The following PDE1C variants were observed in gnomAD, a reference collection of about 807,000 sequenced individuals.
PDE1C encodes phosphodiesterase 1C, also known as dual specificity calcium/calmodulin-dependent 3',5'-cyclic nucleotide phosphodiesterase 1C.
A neutral mutation model predicts 93.1 loss-of-function variants in PDE1C; 62 were observed. The observed-to-expected ratio is 0.67, with a 90% CI of 0.54 to 0.82. PDE1C has a LOEUF of 0.82. PDE1C is among the 40% of genes least tolerant of loss of function. The probability of loss-of-function intolerance (pLI) is 0.00; values close to 1 mark genes in which losing one functional copy is unlikely to be tolerated. For synonymous variants in PDE1C, 325 were observed against 310.1 expected, an observed-to-expected ratio of 1.05 and a Z score of -0.50; for missense variants, 742 against 884.6, an observed-to-expected ratio of 0.84 and a Z score of 2.04.
chr7:31,895,580 TTCTCTCTCTC>T (rs60958547), intron 2 of PDE1C, among the ~76,000 whole-genome samples: 20,358 of 144,876 alleles, frequency 0.14, 1,684 homozygotes, highest in Admixed American at 0.23. Flanking sequence ...TTTCTCTCTT[TTCTCTCTCTC>T]TCTCTCTCTC....
At chr7:31,698,976 A>T in the PDE1C span, among the ~76,000 whole-genome samples, 2 of 152,308 alleles carry the variant, frequency 1.3e-5, no homozygotes, top group East Asian at 3.9e-4. Flanking sequence ...AGTGCCTACT[A>T]TGTGCCAGGC....
At chr7:31,884,339 G>T (rs532107284) in intron 2 of PDE1C, among the ~76,000 whole-genome samples, 1 of 152,150 alleles carries the variant, frequency 6.6e-6, no homozygotes, top group Non-Finnish European at 1.5e-5. Flanking sequence ...AGCATCTGCT[G>T]TGTGTTCAAT....
At chr7:31,927,451 G>A (rs1405213495) in intron 2 of PDE1C, among the ~76,000 whole-genome samples, 1 of 152,142 alleles carries the variant, frequency 6.6e-6, no homozygotes, top group African/African-American at 2.4e-5. Flanking sequence ...CTCTGCTAAG[G>A]GACAGACTGC....
intron 1 of PDE1C, among the ~76,000 whole-genome samples, chr7:32,354,843 C>T (rs1045778362): frequency 2.6e-5 from 4 of 152,230 alleles, no homozygotes; most frequent in Non-Finnish European, 5.9e-5. Context: ...GAAACACTTG[C>T]TATCCCTGGG....
At chr7:32,343,526 C>T (rs1379884689) in intron 1 of PDE1C, among the ~76,000 whole-genome samples, 1 of 152,148 alleles carries the variant, frequency 6.6e-6, no homozygotes, top group African/African-American at 2.4e-5. Context: ...ACCTCTGTTC[C>T]CAGGGCACAT....
chr7:31,790,262 GA>G (rs758574486), intron 16 of PDE1C: 2 of 1,610,718 alleles, frequency 1.2e-6, no homozygotes, highest in South Asian at 1.1e-5. Context: ...TTGTGAATCT[GA>G]AAAAAAGAAA....
At chr7:31,749,733 T>TC, downstream of PDE1C, among the ~76,000 whole-genome samples, 1 of 84,838 alleles carries the variant, frequency 1.2e-5, no homozygotes, top group African/African-American at 3.0e-5. Context: ...CGCTGTTGTC[T>TC]AATTTTTTTT....
At chr7:31,989,498 T>C (rs1335689875) in intron 2 of PDE1C, among the ~76,000 whole-genome samples, 1 of 152,186 alleles carries the variant, frequency 6.6e-6, no homozygotes, top group African/African-American at 2.4e-5. Context: ...CCTGAAACTT[T>C]TATCTAATTT....
chr7:31,631,456 T>C, the PDE1C span, among the ~76,000 whole-genome samples: 25 of 152,240 alleles, frequency 1.6e-4, no homozygotes, highest in Non-Finnish European at 2.9e-5. Context: ...GTCATTTTCT[T>C]ACGTGGTTAG....
chr7:32,316,331 C>T (rs80275811), intron 1 of PDE1C, among the ~76,000 whole-genome samples: 4 of 152,288 alleles, frequency 2.6e-5, no homozygotes, highest in South Asian at 2.1e-4. Context: ...TGTTTACCAA[C>T]GATAGAATAA....
chr7:32,112,221 C>T (rs1798680543), intron 3 of PDE1C, among the ~76,000 whole-genome samples: 1 of 152,100 alleles, frequency 6.6e-6, no homozygotes, highest in African/African-American at 2.4e-5. Context: ...TTTGTCACCT[C>T]CAAAATGATG....
intron 3 of PDE1C, among the ~76,000 whole-genome samples, chr7:32,157,258 C>A (rs1281806636): frequency 6.6e-6 from 1 of 152,112 alleles, no homozygotes; most frequent in Non-Finnish European, 1.5e-5. Context: ...GGAATAAGTT[C>A]TAGTATTCGA....
rs10561469 is a variant in PDE1C at position 32,186,087 on chromosome 7, G to GTTTTT, written c.137-16136_137-16132dup. 7.0e-5 allele frequency among the ~76,000 whole-genome samples: 9 copies of GTTTTT among 128,570 alleles called. 1 individual carries two copies. The highest frequency in any genetic ancestry group is 1.3e-4 in the Non-Finnish European group (8 of 60,486). 84.3% of individuals were successfully genotyped at this position (128,570 alleles called of 152,430 possible). On this transcript the variant is annotated intron_variant, in intron 2 of 18. Coordinates refer to the PDE1C transcript ENST00000396193. ...ACTTTTTTCCCTAATTTGTTTTTTT[G>GTTTTT]TTTTTTTTTTTTTTTTTTTTTTTTT...
At chr7:32,213,490 C>T (rs1310556359) in intron 1 of PDE1C, among the ~76,000 whole-genome samples, 2 of 152,170 alleles carry the variant, frequency 1.3e-5, no homozygotes, top group Non-Finnish European at 2.9e-5. Context: ...GCTAGCACTA[C>T]AAAAAGTGCT....
At chr7:32,225,297 A>G (rs1015736341) in intron 1 of PDE1C, among the ~76,000 whole-genome samples, 2 of 152,154 alleles carry the variant, frequency 1.3e-5, no homozygotes, top group African/African-American at 2.4e-5. Context: ...CTCCCTTTGT[A>G]TAAGTTTCTA....
intron 16 of PDE1C, among the ~76,000 whole-genome samples, chr7:31,793,676 G>GT (rs575969245): frequency 0.56 from 80,328 of 144,544 alleles, 23,433 homozygotes; most frequent in Non-Finnish European, 0.66. Flanking sequence ...ATGGGTCCTC[G>GT]TTTTTTTTTT....
chr7:32,254,691 G>A (rs1809656534), intron 1 of PDE1C, among the ~76,000 whole-genome samples: 1 of 152,176 alleles, frequency 6.6e-6, no homozygotes. Flanking sequence ...TGTCATGTAT[G>A]TGTATATGCA....
At chr7:32,225,797 C>T (rs1437576076) in intron 1 of PDE1C, among the ~76,000 whole-genome samples, 2 of 152,166 alleles carry the variant, frequency 1.3e-5, no homozygotes, top group Admixed American at 6.5e-5. Flanking sequence ...CGGTGGTTCA[C>T]ACCTGTAATC....
chr7:32,381,736 T>C (rs537309387), intron 1 of PDE1C, among the ~76,000 whole-genome samples: 1 of 152,340 alleles, frequency 6.6e-6, no homozygotes, highest in East Asian at 1.9e-4. Flanking sequence ...GCCCATTTTC[T>C]CTGCTTAGCC....
Sources: gnomAD v4.1 joint callset for allele counts (sites outside exome capture counted in the v4.1 genomes callset) on GRCh38, gnomAD v4.1.1 for gene constraint, MANE v1.5 for transcripts, NCBI Gene and HGNC (gene_info 2026-07-23, HGNC 2026-07-21) for gene names.